Variants in DDX20 observed in about 807,000 individuals in gnomAD.
The protein encoded by DDX20 is probable ATP-dependent RNA helicase DDX20.
Under a neutral mutation model 76.4 loss-of-function variants are expected in DDX20, and 61 were observed. The observed-to-expected ratio is 0.80, with a 90% CI of 0.65 to 0.99. DDX20 has a LOEUF of 0.99. DDX20 is among the 50% of genes least tolerant of loss of function. The pLI is 0.00. For missense variants in DDX20, 976 were observed against 996.8 expected (o/e 0.98, Z 0.28); for synonymous variants, 357 against 357.4 (o/e 1.00, Z 0.01).
rs1477336207 is a variant in DDX20, at chr1:111,766,702, A to G, written c.2278A>G (p.Arg760Gly). 6.2e-7 allele frequency: 1 copy of G among 1,614,168 alleles called. No individual in the cohort carries two copies. The highest frequency in any genetic ancestry group is 1.7e-5 in the Admixed American group (1 of 60,020). ...AQEDDWYDCH[R>G]EIRLSFSDTY... ...GGAAGATGATTGGTATGACTGTCAT[A>G]GGGAAATACGTCTGAGTTTTTCTGA... Residue 760 changes from arginine to glycine, a missense_variant, in exon 11 of 11, where the codon AGG becomes GGG. Around this residue, in one of 3 missense-constraint regions of DDX20, gnomAD observed 630 missense variants for 693.7 expected, o/e 0.91. Coordinates refer to ENST00000369702, the MANE Select transcript of DDX20 (RefSeq NM_007204.5).
Position 111,765,752 on chromosome 1 carries a change from G to T in DDX20, c.1328G>T (p.Gly443Val), listed in dbSNP as rs2101426030. 2 of 1,599,012 alleles carry T rather than the reference G, an allele frequency of 1.3e-6. No individual in the cohort carries two copies. The change falls in exon 11 of 11, where the codon GGT becomes GTT. Residue 443 changes from glycine to valine, a missense_variant. By Grantham distance (109) the Gly-to-Val change is moderately radical. This residue lies in a region of DDX20 where 630 missense variants were observed against 693.7 expected (regional missense o/e 0.91). Transcript: ENST00000369702. ...LLPLPDPIPS[G>V]LMEECVDWDV... ...TTTTATGTAGATCCCATTCCTTCTG[G>T]TCTGATGGAAGAATGTGTGGATTGG...
chr1:111,759,770 C>A lies in DDX20; in HGVS notation c.565+202C>A, dbSNP rs367555052. Reference sequence around the variant, plus strand: ...CGGGCGGATCACGAGGTCAGGAGATCGAGACCATCCTGGCTAACATGGTGA... The same window carrying A: ...CGGGCGGATCACGAGGTCAGGAGATAGAGACCATCCTGGCTAACATGGTGA... On this transcript the variant is annotated intron_variant, in intron 3 of 10. Coordinates refer to ENST00000369702, the MANE Select transcript of DDX20 (RefSeq NM_007204.5). Among the ~76,000 whole-genome samples, 261 of 151,636 alleles carry A rather than the reference C, an allele frequency of 1.7e-3. 1 individual carries two copies. Among genetic ancestry groups the A allele is most frequent in the Middle Eastern group, 6.9e-3 (2 of 290 alleles).
chr1:111,762,629 G>C (rs770140983), intron 8 of DDX20, 48 bp from the exon 9 acceptor site: 1 of 1,450,426 alleles, frequency 6.9e-7, no homozygotes, highest in South Asian at 1.2e-5. Flanking sequence ...TGGTATCCAT[G>C]CTGTATAGTT....
chr1:111,756,364 C>A, intron 1 of DDX20, 139 bp downstream of exon 1: 1 of 892,568 alleles, frequency 1.1e-6, no homozygotes, highest in Non-Finnish European at 1.6e-6. Flanking sequence ...GGGGGCTAGG[C>A]GCTACGCTCA....
chr1:111,760,431 A>G (rs775181707), intron 3 of DDX20, 43 bp from the exon 4 acceptor site: 17 of 1,329,326 alleles, frequency 1.3e-5, no homozygotes, highest in Middle Eastern at 1.9e-4. Context: ...ATTTACACAA[A>G]TTTGGTACAT....
chr1:111,762,459 T>C, intron 8 of DDX20, 122 bp downstream of exon 8: 4 of 900,186 alleles, frequency 4.4e-6, no homozygotes, highest in Non-Finnish European at 6.9e-6. Context: ...AAGATAATTA[T>C]CTTTCCAGTG....
At position 111,760,455 on chromosome 1, in the gene DDX20, A is replaced by T. The variant is rs774313317; in HGVS notation, c.566-19A>T. The T allele has an allele frequency of 7.9e-5, 90 of 1,137,232 alleles. No individual in the cohort carries two copies. The highest frequency in any genetic ancestry group is 9.5e-5 in the Non-Finnish European group (78 of 821,876). 70.4% of individuals were successfully genotyped at this position (1,137,232 alleles called of 1,614,324 possible). A position where few individuals can be genotyped will look rare whatever the true frequency, so the allele number is the denominator to read the frequency against. On this transcript the variant is annotated intron_variant, in intron 3 of 10. Coordinates refer to ENST00000369702, the MANE Select transcript of DDX20 (RefSeq NM_007204.5). ...AATTTGGTACATCATAAATATTTCAATTTTTTTTTTTTAATTAGGCAGAAT... is the reference window on the plus strand; with the variant it reads ...AATTTGGTACATCATAAATATTTCATTTTTTTTTTTTTAATTAGGCAGAAT...
At chr1:111,761,564 A>T in intron 7 of DDX20, 1 of 255,722 alleles carries the variant, frequency 3.9e-6, no homozygotes, top group East Asian at 7.9e-5. Flanking sequence ...ACTTAATTCT[A>T]TAAAACCAAG....
At position 111,755,924 on chromosome 1, in the gene DDX20, C is replaced by A. The variant is rs776121486; in HGVS notation, c.-1C>A. The A allele has an allele frequency of 6.4e-7, 1 of 1,569,940 alleles. No homozygotes were observed. The highest frequency in any genetic ancestry group is 1.7e-4 in the Middle Eastern group (1 of 5,840). On this transcript the variant is annotated 5_prime_UTR_variant, in exon 1 of 11. Coordinates refer to ENST00000369702, the MANE Select transcript of DDX20 (RefSeq NM_007204.5). ...CCGCGAGATCTGACGGCGCGGCTAC[C>A]ATGGCGGCGGCATTTGAAGCCTCGG...
chr1:111,765,725 C>G lies in DDX20; in HGVS notation c.1313-12C>G. 2.6e-6 allele frequency: 4 copies of G among 1,551,470 alleles called. No homozygotes were observed. Among genetic ancestry groups the G allele is most frequent in the Non-Finnish European group, 3.5e-6 (4 of 1,154,834 alleles). On this transcript the variant is annotated splice_polypyrimidine_tract_variant and intron_variant, in intron 10 of 10. Coordinates refer to ENST00000369702, the MANE Select transcript of DDX20 (RefSeq NM_007204.5). ...TGAGAATTTTAATACATTTTTCTTCCTTTTTATGTAGATCCCATTCCTTCT... is the reference window on the plus strand; with the variant it reads ...TGAGAATTTTAATACATTTTTCTTCGTTTTTATGTAGATCCCATTCCTTCT...
intron 9 of DDX20, 45 bp downstream of exon 9, chr1:111,762,827 G>T (rs375983093): frequency 2.0e-6 from 3 of 1,498,426 alleles, no homozygotes; most frequent in South Asian, 2.3e-5. Context: ...TAAGGGGAGG[G>T]ATCTATAATG....
chr1:111,765,747 T>C lies in DDX20; in HGVS notation c.1323T>C (p.Pro441=). The C allele has an allele frequency of 6.3e-7, 1 of 1,595,320 alleles. No homozygotes were observed. The highest frequency in any genetic ancestry group is 8.5e-7 in the Non-Finnish European group (1 of 1,173,526). Residue 441 remains proline, a synonymous_variant, in exon 11 of 11, where the codon CCT becomes CCC. Transcript: ENST00000369702. The part of the protein sequence containing the change: ...INLLPLPDPI[P]SGLMEECVDW... ...TTCCTTTTTATGTAGATCCCATTCC[T>C]TCTGGTCTGATGGAAGAATGTGTGG...
In DDX20 at chr1:111,759,687, A is replaced by G. The variant is rs189920703; in HGVS notation, c.565+119A>G. ...TGATAATTATTTTGATTAGAAATGA[A>G]GAGCAGGCCGGGCGCGGTGGCTCAC... On this transcript the variant is annotated intron_variant, in intron 3 of 10. Coordinates refer to ENST00000369702, the MANE Select transcript of DDX20 (RefSeq NM_007204.5). 5.1e-5 allele frequency: 60 copies of G among 1,179,524 alleles called. No individual in the cohort carries two copies. The African/African-American group carries it at 9.1e-4, about 18-fold the overall frequency. 73.1% of individuals were successfully genotyped at this position (1,179,524 alleles called of 1,614,324 possible). A position where few individuals can be genotyped will look rare whatever the true frequency, so the allele number is the denominator to read the frequency against.
In DDX20 at chr1:111,766,271, A is replaced by G. The variant is rs770747833; in HGVS notation, c.1847A>G (p.Tyr616Cys). 3.7e-6 allele frequency: 6 copies of G among 1,614,052 alleles called. No individual in the cohort carries two copies. The highest frequency in any genetic ancestry group is 5.1e-6 in the Non-Finnish European group (6 of 1,180,026). ...AAACCTGTGGAAATCATCAGGCACTACACAGGCCCTGGGGATCAGACTGTG... is the reference window on the plus strand; with the variant it reads ...AAACCTGTGGAAATCATCAGGCACTGCACAGGCCCTGGGGATCAGACTGTG... ...LEKPVEIIRH[Y>C]TGPGDQTVNP... Residue 616 changes from tyrosine to cysteine, a missense_variant, in exon 11 of 11, where the codon TAC becomes TGC. Transcript: ENST00000369702.
In DDX20 at chr1:111,756,718, T is replaced by C; in HGVS notation, c.374T>C (p.Val125Ala). 6.2e-7 allele frequency: 1 copy of C among 1,614,136 alleles called. No homozygotes were observed. The highest frequency in any genetic ancestry group is 8.5e-7 in the Non-Finnish European group (1 of 1,180,002). The change falls in exon 2 of 11, where the codon GTT becomes GCT. Residue 125 changes from valine (V) to alanine (A), a missense_variant. Around this residue, in one of 3 missense-constraint regions of DDX20, gnomAD observed 343 missense variants for 286.4 expected, o/e 1.20. Transcript: ENST00000369702. ...VFSTIALDSL[V>A]LENLSTQILI... ...TCCACCATAGCTTTGGACTCTCTTG[T>C]TCTTGAAAACTTAAGTACCCAGGTG... is the stretch of plus-strand genomic sequence containing the variant.
chr1:111,762,793 A>T lies in DDX20; in HGVS notation c.1210+11A>T, dbSNP rs759354916. The T allele has an allele frequency of 6.2e-7, 1 of 1,610,370 alleles. No homozygotes were observed. The highest frequency in any genetic ancestry group is 1.1e-5 in the South Asian group (1 of 90,620). The stretch of plus-strand genomic sequence containing the variant: ...GAGCTGGCCGTTTTGGTAAAAAAAA[A>T]AAAAAAAGTTTGAGTGCTTTCTTTA... On this transcript the variant is annotated intron_variant, in intron 9 of 10. Coordinates refer to ENST00000369702, the MANE Select transcript of DDX20 (RefSeq NM_007204.5).
At position 111,766,696 on chromosome 1, in the gene DDX20, T is replaced by A. The variant is rs1297596974; in HGVS notation, c.2272T>A (p.Cys758Ser). 1.2e-6 allele frequency: 2 copies of A among 1,614,080 alleles called. No individual in the cohort carries two copies. Among genetic ancestry groups the A allele is most frequent in the Non-Finnish European group, 1.7e-6 (2 of 1,180,014 alleles). ...TEAQEDDWYD[C>S]HREIRLSFSD... Reference sequence around the variant, plus strand: ...AGCCCAGGAAGATGATTGGTATGACTGTCATAGGGAAATACGTCTGAGTTT... The same window carrying A: ...AGCCCAGGAAGATGATTGGTATGACAGTCATAGGGAAATACGTCTGAGTTT... The change falls in exon 11 of 11, where the codon TGT (cysteine) becomes AGT (serine). Residue 758 changes from cysteine (C) to serine (S), a missense_variant. By Grantham distance (112) the Cys-to-Ser change is moderately radical. Transcript: ENST00000369702.
At position 111,755,961 on chromosome 1, in the gene DDX20, G is replaced by A. The variant is rs1335205145; in HGVS notation, c.37G>A (p.Ala13Thr). The A allele has an allele frequency of 1.9e-6, 3 of 1,593,798 alleles. No homozygotes were observed. In the East Asian group the frequency reaches 6.8e-5, roughly 36 times the overall value. ...ATTTGAAGCCTCGGGAGCCTTAGCAGCAGTGGCGACTGCTATGCCGGCTGA... is the reference window on the plus strand; with the variant it reads ...ATTTGAAGCCTCGGGAGCCTTAGCAACAGTGGCGACTGCTATGCCGGCTGA... The part of the protein sequence containing the change: ...AAFEASGALA[A>T]VATAMPAEHV... Residue 13 changes from alanine (A) to threonine (T), a missense_variant, in exon 1 of 11, where the codon GCA (alanine) becomes ACA (threonine). By Grantham distance (58) the Ala-to-Thr change is moderately conservative. Coordinates refer to ENST00000369702, the MANE Select transcript of DDX20 (RefSeq NM_007204.5).
chr1:111,762,187 T>C (rs766604278), intron 7 of DDX20, 68 bp from the exon 8 acceptor site: 177 of 1,297,948 alleles, frequency 1.4e-4, no homozygotes, highest in Admixed American at 2.6e-4. Context: ...CTTTTTACTT[T>C]TTGTGGATTG....
Sources: allele counts gnomAD v4.1 joint callset (sites outside exome capture counted in the v4.1 genomes callset), GRCh38; gene constraint gnomAD v4.1.1; regional missense constraint gnomAD v4.1.1; transcripts MANE v1.5; gene names NCBI Gene and HGNC (gene_info 2026-07-23, HGNC 2026-07-21).